STC2: variants seen among roughly 807,000 people sequenced by gnomAD.
The protein encoded by STC2 is stanniocalcin 2, also known as stanniocalcin-2.
A neutral mutation model predicts 22.7 loss-of-function variants in STC2; 7 were observed. The ratio of observed to expected loss-of-function variants is 0.31; its 90% CI spans 0.18 to 0.58. STC2 has a LOEUF of 0.58. Among genes scored for constraint, STC2 ranks in the 20% least tolerant of loss-of-function variants. The probability of loss-of-function intolerance (pLI) is 0.89; values close to 1 mark genes in which losing one functional copy is unlikely to be tolerated. For synonymous variants in STC2, 158 were observed against 163.4 expected (o/e 0.97, Z 0.25); for missense variants, 336 against 406.2 (o/e 0.83, Z 1.48).
chr5:173,318,322 G>C (rs1020525623), intron 3 of STC2, 73 bp from the exon 4 acceptor site: 2 of 1,335,372 alleles, frequency 1.5e-6, no homozygotes, highest in Non-Finnish European at 1.9e-6. Flanking sequence ...AGCAAGTCCC[G>C]AATGGACCAC....
chr5:173,325,487 G>A lies in STC2; in HGVS notation c.294+381C>T, dbSNP rs1035962219. ...GTTGGCTGCCCACACACCACATGAC[G>A]GATTTCTACATACTTTGTGTCTCAT... On this transcript the variant is annotated intron_variant, in intron 2 of 3. Coordinates refer to ENST00000265087, the MANE Select transcript of STC2 (RefSeq NM_003714.3). The surrounding 1 kb of genome is among the most constrained non-coding windows in gnomAD (Gnocchi z 4.7). Among the ~76,000 whole-genome samples the A allele has an allele frequency of 1.3e-5, 2 of 152,106 alleles. No individual in the cohort carries two copies. The highest frequency in any genetic ancestry group is 2.1e-4 in the South Asian group (1 of 4,824).
Position 173,325,271 on chromosome 5 carries a change from C to T in STC2, c.294+597G>A, listed in dbSNP as rs1485778728. Among the ~76,000 whole-genome samples the T allele has an allele frequency of 1.3e-5, 2 of 152,226 alleles. No homozygotes were observed. The highest frequency in any genetic ancestry group is 2.4e-5 in the African/African-American group (1 of 41,464). On this transcript the variant is annotated intron_variant, in intron 2 of 3. Coordinates refer to ENST00000265087, the MANE Select transcript of STC2 (RefSeq NM_003714.3). This position sits in a 1 kb window ranked among gnomAD's most constrained non-coding sequence, Gnocchi z 4.7. ...GTTCCTGCCTTGCCCTGAGCAGCAA[C>T]TCCGCGTTCCCCTTGGGACCCTGGG...
chr5:173,323,598 T>C lies in STC2; in HGVS notation c.295-168A>G, dbSNP rs1455826916. Among the ~76,000 whole-genome samples, 2 of 152,088 alleles carry C rather than the reference T, an allele frequency of 1.3e-5. No homozygotes were observed. Among genetic ancestry groups the C allele is most frequent in the Non-Finnish European group, 1.5e-5 (1 of 68,018 alleles). The stretch of plus-strand genomic sequence containing the variant: ...CTCCCAGGTGACAGGCAATGCGACA[T>C]CCGGAGGCACGTCCAGAGTGACATG... On this transcript the variant is annotated intron_variant, in intron 2 of 3. Transcript: ENST00000265087. The surrounding 1 kb of genome is among the most constrained non-coding windows in gnomAD (Gnocchi z 5.4).
At chr5:173,318,300 G>GAGAGAGAGAGT in intron 3 of STC2, 51 bp from the exon 4 acceptor site, 1 of 1,348,762 alleles carries the variant, frequency 7.4e-7, no homozygotes, top group African/African-American at 1.5e-5. Context: ...GAGAGAGAGA[G>GAGAGAGAGAGT]GCTGGGAATG....
At position 173,318,082 on chromosome 5, in the gene STC2, C is replaced by T. The variant is rs768636098; in HGVS notation, c.674G>A (p.Arg225His). ...CTTGGTTCTGTCCACCTGGGGCTGG[C>T]GCTCGGGGGGCGCCGTGGGAGGCTT... is the stretch of plus-strand genomic sequence containing the variant. ...IQKPPTAPPE[R>H]QPQVDRTKLS... Residue 225 changes from arginine to histidine, a missense_variant, in exon 4 of 4, where the codon CGC (arginine) becomes CAC (histidine). Physicochemically the swap from Arg to His is conservative, Grantham distance 29 (BLOSUM62 0). Transcript: ENST00000265087. The T allele has an allele frequency of 4.0e-5, 64 of 1,606,828 alleles. No individual in the cohort carries two copies. Among genetic ancestry groups the T allele is most frequent in the South Asian group, 7.7e-5 (7 of 90,794 alleles).
Position 173,323,862 on chromosome 5 carries a change from G to A in STC2, c.295-432C>T, listed in dbSNP as rs1762514547. On this transcript the variant is annotated intron_variant, in intron 2 of 3. Coordinates refer to ENST00000265087, the MANE Select transcript of STC2 (RefSeq NM_003714.3). The surrounding 1 kb of genome is among the most constrained non-coding windows in gnomAD (Gnocchi z 5.4). ...ACAAGCAGTCTTCCCTAAGTGGAAG[G>A]TGCCTGCATGTCCAAATCTCACACG... is the stretch of plus-strand genomic sequence containing the variant. 5.1e-6 allele frequency: 1 copy of A among 197,290 alleles called. No homozygotes were observed. Among genetic ancestry groups the A allele is most frequent in the Middle Eastern group, 2.2e-3 (1 of 454 alleles). 12.2% of individuals were successfully genotyped at this position (197,290 alleles called of 1,614,324 possible).
chr5:173,320,808 T>TC (rs201682663), intron 3 of STC2, among the ~76,000 whole-genome samples: 32 of 130,180 alleles, frequency 2.5e-4, no homozygotes, highest in Admixed American at 2.3e-3. Context: ...CAGTTCTCTC[T>TC]TTTTTTTTTT....
chr5:173,315,614 G>C lies in STC2; in HGVS notation c.*2233C>G, dbSNP rs1275830214. ...GATGCCTTTCACACATCCAGTCCAG[G>C]AGCTGGCGGACAAATGAACAGCTGA... On this transcript the variant is annotated 3_prime_UTR_variant, in exon 4 of 4. Coordinates refer to ENST00000265087, the MANE Select transcript of STC2 (RefSeq NM_003714.3). 6.6e-6 allele frequency: 1 copy of C among 152,262 alleles called. No individual in the cohort carries two copies. Among genetic ancestry groups the C allele is most frequent in the Non-Finnish European group, 1.5e-5 (1 of 68,038 alleles). 9.4% of individuals were successfully genotyped at this position (152,262 alleles called of 1,614,324 possible). A position where few individuals can be genotyped will look rare whatever the true frequency, so the allele number is the denominator to read the frequency against.
Position 173,318,266 on chromosome 5 carries a change from A to AAGAGAGAGAGAGAGAGAGAGAGAG in STC2, c.507-41_507-18dup, listed in dbSNP as rs4041247. On this transcript the variant is annotated splice_polypyrimidine_tract_variant and intron_variant, in intron 3 of 3. Transcript: ENST00000265087. ...ACGTAGGGTCTAAAGATTGAAAGCA[A>AAGAGAGAGAGAGAGAGAGAGAGAG]AGAGAGAGAGAGAGAGAGAGAGAGA... 276 of 1,235,850 alleles carry AAGAGAGAGAGAGAGAGAGAGAGAG rather than the reference A, an allele frequency of 2.2e-4. 5 individuals carry two copies. In the African/African-American group the frequency reaches 3.7e-3, roughly 17 times the overall value. The allele number at this position is 1,235,850 out of a possible 1,614,324, so 76.6% of individuals were successfully genotyped here. A position where few individuals can be genotyped will look rare whatever the true frequency, so the allele number is the denominator to read the frequency against.
At chr5:173,321,289 A>G (rs1389920701) in intron 3 of STC2, among the ~76,000 whole-genome samples, 3 of 152,194 alleles carry the variant, frequency 2.0e-5, no homozygotes, top group Non-Finnish European at 4.4e-5. Context: ...TCCAAGAAAG[A>G]TAGAATTCCT....
At chr5:173,320,188 C>T (rs1387964543) in intron 3 of STC2, among the ~76,000 whole-genome samples, 3 of 151,982 alleles carry the variant, frequency 2.0e-5, no homozygotes, top group African/African-American at 7.3e-5. Context: ...AAGCTCCTTT[C>T]CCCAGAGTAA....
chr5:173,318,944 G>T (rs565884631), intron 3 of STC2, among the ~76,000 whole-genome samples: 38 of 152,350 alleles, frequency 2.5e-4, no homozygotes, highest in African/African-American at 8.9e-4. Flanking sequence ...TGCATGCAGT[G>T]ATTCCCTTTC....
chr5:173,326,942 G>C (rs1272350436), intron 1 of STC2: 1 of 151,908 alleles, frequency 6.6e-6, no homozygotes, highest in Non-Finnish European at 1.5e-5. Flanking sequence ...CAGATAACCC[G>C]CATCAGATTA....
In STC2 at chr5:173,318,107, T is replaced by C. The variant is rs370205303; in HGVS notation, c.649A>G (p.Lys217Glu). The C allele has an allele frequency of 7.3e-5, 117 of 1,609,082 alleles. No homozygotes were observed. Among genetic ancestry groups the C allele is most frequent in the Non-Finnish European group, 9.3e-5 (110 of 1,178,338 alleles). ...CGCTCGGGGGGCGCCGTGGGAGGCT[T>C]CTGGATGGCCGAGGTGCAGAAGCTC... ...ILSFCTSAIQ[K>E]PPTAPPERQP... The change falls in exon 4 of 4, where the codon AAG becomes GAG. Residue 217 changes from lysine to glutamate, a missense_variant. This residue lies in a region of STC2 where 215 missense variants were observed against 231.5 expected (regional missense o/e 0.93). Transcript: ENST00000265087.
chr5:173,325,970 C>G lies in STC2; in HGVS notation c.192G>C (p.Gly64=). The change falls in exon 2 of 4, where the codon GGG becomes GGC. Residue 64 remains glycine (G), a synonymous_variant. Transcript: ENST00000265087. This position sits in a 1 kb window ranked among gnomAD's most constrained non-coding sequence, Gnocchi z 4.7. ...QHCLVNAGDV[G]CGVFECFENN... ...TCTCGAAACATTCAAACACGCCACA[C>G]CCCACATCGCCAGCGTTGACCAAAC... 1 of 1,614,194 alleles carries G rather than the reference C, an allele frequency of 6.2e-7. No individual in the cohort carries two copies. Among genetic ancestry groups the G allele is most frequent in the Non-Finnish European group, 8.5e-7 (1 of 1,180,038 alleles).
chr5:173,325,101 G>C lies in STC2; in HGVS notation c.294+767C>G, dbSNP rs1156442619. Among the ~76,000 whole-genome samples, 1 of 152,240 alleles carries C rather than the reference G, an allele frequency of 6.6e-6. No individual in the cohort carries two copies. The highest frequency in any genetic ancestry group is 1.5e-5 in the Non-Finnish European group (1 of 68,048). Reference sequence around the variant, plus strand: ...GGCATTGCTCTCCAATGAAGCAGGAGAGACGTTTCTGAGATATAGTAACAG... The same window carrying C: ...GGCATTGCTCTCCAATGAAGCAGGACAGACGTTTCTGAGATATAGTAACAG... On this transcript the variant is annotated intron_variant, in intron 2 of 3. Transcript: ENST00000265087. The surrounding 1 kb of genome is among the most constrained non-coding windows in gnomAD (Gnocchi z 4.7).
At chr5:173,318,749 C>T (rs1404115946) in intron 3 of STC2, among the ~76,000 whole-genome samples, 3 of 152,158 alleles carry the variant, frequency 2.0e-5, no homozygotes, top group African/African-American at 2.4e-5. Flanking sequence ...TTTAGGACCA[C>T]GTGCCCTCTA....
Position 173,323,193 on chromosome 5 carries a change from CA to C in STC2, c.506+25del. On this transcript the variant is annotated intron_variant, in intron 3 of 3. Coordinates refer to ENST00000265087, the MANE Select transcript of STC2 (RefSeq NM_003714.3). The surrounding 1 kb of genome is among the most constrained non-coding windows in gnomAD (Gnocchi z 5.4). ...ATCCTTGCTGGGTGGCCCCTTCACC[CA>C]GGCCCTCTGCGGGGCAGTACTCACT... The C allele has an allele frequency of 6.2e-7, 1 of 1,613,208 alleles. No individual in the cohort carries two copies. Among genetic ancestry groups the C allele is most frequent in the Non-Finnish European group, 8.5e-7 (1 of 1,179,272 alleles).
At chr5:173,319,876 T>C (rs1177478031) in intron 3 of STC2, among the ~76,000 whole-genome samples, 1 of 152,172 alleles carries the variant, frequency 6.6e-6, no homozygotes, top group Non-Finnish European at 1.5e-5. Flanking sequence ...CAAAGGGCTT[T>C]AAACCCCCTA....
Sources: gnomAD v4.1 joint callset for allele counts (sites outside exome capture counted in the v4.1 genomes callset) on GRCh38, gnomAD v4.1.1 for gene constraint, gnomAD v4.1.1 regional missense constraint, Gnocchi (gnomAD v3.1) non-coding constraint, MANE v1.5 for transcripts, NCBI Gene and HGNC (gene_info 2026-07-23, HGNC 2026-07-21) for gene names.